Variants in GID4 observed in about 807,000 individuals in gnomAD.
The protein encoded by GID4 is GID complex subunit 4 homolog.
GID4 carries 7 observed loss-of-function variants against 32.4 expected under a neutral mutation model. That is an observed-to-expected ratio of 0.22 (90% CI 0.12 to 0.41). The LOEUF (loss-of-function observed/expected upper bound fraction) is 0.41, where lower values mean the gene tolerates loss of function less well. GID4 is among the 10% of genes least tolerant of loss of function. The pLI, the probability that GID4 is intolerant of heterozygous loss-of-function variation, is 1.00. For missense variants in GID4, 309 were observed against 400.0 expected (o/e 0.77, Z 1.94); for synonymous variants, 166 against 170.0 (o/e 0.98, Z 0.18).
intron 2 of GID4, among the ~76,000 whole-genome samples, chr17:18,053,105 T>TC (rs2044929444): frequency 7.5e-6 from 1 of 133,058 alleles, no homozygotes; most frequent in Admixed American, 9.0e-5. Flanking sequence ...AAACTCCGCC[T>TC]CCAGGTTCAA....
intron 3 of GID4, among the ~76,000 whole-genome samples, chr17:18,055,191 C>A (rs1003747215): frequency 2.7e-5 from 4 of 150,448 alleles, no homozygotes; most frequent in African/African-American, 9.8e-5. Context: ...AAAAAAAAAT[C>A]ATTTTCTCAA....
intron 2 of GID4, 86 bp downstream of exon 2, chr17:18,045,292 C>T: frequency 2.1e-6 from 2 of 938,388 alleles, no homozygotes; most frequent in Non-Finnish European, 1.7e-6. Context: ...GCGGTCTCAA[C>T]TCCTTGAGGC....
chr17:18,045,914 A>G (rs544195355), intron 2 of GID4, among the ~76,000 whole-genome samples: 49 of 152,116 alleles, frequency 3.2e-4, no homozygotes, highest in African/African-American at 1.1e-3. Flanking sequence ...AAAGAAAGAA[A>G]AAAAAGGGGA....
intron 1 of GID4, among the ~76,000 whole-genome samples, chr17:18,040,243 A>T (rs1433637779): frequency 1.3e-5 from 2 of 152,002 alleles, no homozygotes; most frequent in Non-Finnish European, 2.9e-5. Context: ...TCGTCCCTAG[A>T]TCAGGGACTG....
At chr17:18,059,900 A>G (rs1367426524) in intron 4 of GID4, among the ~76,000 whole-genome samples, 4 of 151,106 alleles carry the variant, frequency 2.6e-5, no homozygotes, top group Non-Finnish European at 3.0e-5. Context: ...CCTGGCCAAC[A>G]TGGTGAAAAC....
chr17:18,052,018 G>A (rs1419168294), intron 2 of GID4, among the ~76,000 whole-genome samples: 2 of 150,974 alleles, frequency 1.3e-5, no homozygotes, highest in African/African-American at 2.4e-5. Flanking sequence ...AGGTTGCAGT[G>A]AGCCGAGATC....
At chr17:18,053,009 CTTT>C (rs71155312) in intron 2 of GID4, among the ~76,000 whole-genome samples, 1 of 83,272 alleles carries the variant, frequency 1.2e-5, no homozygotes, top group Non-Finnish European at 2.1e-5. Flanking sequence ...AAAGTATTTA[CTTT>C]TTTTTTTTTT....
intron 5 of GID4, 176 bp downstream of exon 5, chr17:18,062,151 CT>C: frequency 1.7e-6 from 1 of 596,366 alleles, no homozygotes; most frequent in African/African-American, 1.8e-5. Context: ...GGCCTTATCC[CT>C]ATGCACAGAG....
rs2142157726 is a variant in GID4 at position 18,065,956 on chromosome 17, TC to T, written c.*715del. 1 of 152,370 alleles carries T rather than the reference TC, an allele frequency of 6.6e-6. No individual in the cohort carries two copies. The highest frequency in any genetic ancestry group is 1.9e-4 in the East Asian group (1 of 5,194). The allele number at this position is 152,370 out of a possible 1,614,324, so 9.4% of individuals were successfully genotyped here. A position where few individuals can be genotyped will look rare whatever the true frequency, so the allele number is the denominator to read the frequency against. On this transcript the variant is annotated 3_prime_UTR_variant, in exon 6 of 6. Transcript: ENST00000268719. ...GATCCCTGGCAGGAACAGATTCCAGTCCTGCTTACTCAGTACATTTGCTCCA... is the reference window on the plus strand; with the variant it reads ...GATCCCTGGCAGGAACAGATTCCAGTCTGCTTACTCAGTACATTTGCTCCA...
chr17:18,042,847 G>T (rs2044815160), intron 1 of GID4, among the ~76,000 whole-genome samples: 1 of 152,140 alleles, frequency 6.6e-6, no homozygotes, highest in Non-Finnish European at 1.5e-5. Context: ...TTTTTGAAGT[G>T]GTCTCTCACT....
intron 2 of GID4, among the ~76,000 whole-genome samples, chr17:18,048,892 C>G (rs1202647207): frequency 2.0e-5 from 3 of 152,050 alleles, no homozygotes; most frequent in Non-Finnish European, 4.4e-5. Flanking sequence ...AACCACCCAC[C>G]TTGGCCTCCC....
intron 1 of GID4, among the ~76,000 whole-genome samples, chr17:18,043,594 T>G (rs2044823474): frequency 6.6e-6 from 1 of 152,250 alleles, no homozygotes; most frequent in Non-Finnish European, 1.5e-5. Context: ...TTGGCAGTTT[T>G]CACAGGGAAT....
chr17:18,064,041 C>G (rs2045039549), intron 5 of GID4, among the ~76,000 whole-genome samples: 1 of 152,202 alleles, frequency 6.6e-6, no homozygotes, highest in Non-Finnish European at 1.5e-5. Flanking sequence ...CCGTGCCCGG[C>G]CGGTATATAC....
chr17:18,041,952 G>A (rs2044807676), intron 1 of GID4, among the ~76,000 whole-genome samples: 1 of 152,202 alleles, frequency 6.6e-6, no homozygotes, highest in African/African-American at 2.4e-5. Context: ...CTGATGGTGG[G>A]GGTGGTGGTC....
At chr17:18,058,343 G>A (rs765786016) in intron 3 of GID4, among the ~76,000 whole-genome samples, 1 of 152,134 alleles carries the variant, frequency 6.6e-6, no homozygotes, top group Non-Finnish European at 1.5e-5. Flanking sequence ...GGGGGTCCTG[G>A]AACCAATCTC....
chr17:18,055,429 T>A (rs2145565818), intron 3 of GID4, among the ~76,000 whole-genome samples: 1 of 152,286 alleles, frequency 6.6e-6, no homozygotes, highest in Middle Eastern at 3.4e-3. Flanking sequence ...TTGTCTTGAG[T>A]TCACCTCACT....
At chr17:18,043,766 G>A (rs1328784639) in intron 1 of GID4, among the ~76,000 whole-genome samples, 1 of 152,172 alleles carries the variant, frequency 6.6e-6, no homozygotes, top group Non-Finnish European at 1.5e-5. Context: ...TCACAAATCT[G>A]ATAAATGCCA....
At chr17:18,063,661 C>T (rs2045036485) in intron 5 of GID4, among the ~76,000 whole-genome samples, 1 of 152,166 alleles carries the variant, frequency 6.6e-6, no homozygotes, top group African/African-American at 2.4e-5. Flanking sequence ...TTTCACTTAG[C>T]ATAATGCTTT....
In GID4 at chr17:18,039,884, C is replaced by T; in HGVS notation, c.420C>T (p.Asp140=). The part of the protein sequence containing the change: ...GHQKSKGNSY[D]VEVVLQHVDT... ...AGAAGAGCAAGGGGAACTCGTACGA[C>T]GTAGAGGTGGTGCTGCAGGTGAGCG... The change falls in exon 1 of 6, where the codon GAC becomes GAT. Residue 140 remains aspartate, a synonymous_variant. Transcript: ENST00000268719. The surrounding 1 kb of genome is among the most constrained non-coding windows in gnomAD (Gnocchi z 5.3). The T allele has an allele frequency of 6.8e-7, 1 of 1,470,734 alleles. No homozygotes were observed. The highest frequency in any genetic ancestry group is 9.1e-7 in the Non-Finnish European group (1 of 1,099,964). 91.1% of individuals were successfully genotyped at this position (1,470,734 alleles called of 1,614,324 possible).
Sources: gnomAD v4.1 joint callset for allele counts (sites outside exome capture counted in the v4.1 genomes callset) on GRCh38, gnomAD v4.1.1 for gene constraint, Gnocchi (gnomAD v3.1) non-coding constraint, MANE v1.5 for transcripts, NCBI Gene and HGNC (gene_info 2026-07-23, HGNC 2026-07-21) for gene names.